NADK: variants seen among roughly 807,000 people sequenced by gnomAD.
NADK encodes NAD kinase, also known as poly(P)/ATP NAD kinase.
In NADK, 22 loss-of-function variants were observed where a neutral mutation model predicts 49.8. The observed-to-expected ratio is 0.44, with a 90% confidence interval of 0.32 to 0.63. The LOEUF (loss-of-function observed/expected upper bound fraction) is 0.63. Ranked by LOEUF, NADK falls within the 30% of genes least tolerant of loss-of-function variation. NADK has a pLI of 0.06. For synonymous variants in NADK, 268 were observed against 253.7 expected, an observed-to-expected ratio of 1.06 and a Z score of -0.54; for missense variants, 438 against 609.4, an observed-to-expected ratio of 0.72 and a Z score of 2.96.
chr1:1,763,632 AAAAG>A (rs1473838278), intron 2 of NADK, among the ~76,000 whole-genome samples: 24 of 138,226 alleles, frequency 1.7e-4, no homozygotes, highest in Admixed American at 1.6e-4. Context: ...AAAAAAAAAA[AAAAG>A]AAGAAGAAAA....
intron 11 of NADK, 37 bp from the exon 12 acceptor site, chr1:1,753,097 C>T (rs201820358): frequency 6.0e-5 from 95 of 1,581,984 alleles, no homozygotes; most frequent in Non-Finnish European, 1.6e-5. Flanking sequence ...CCAGGGCTTC[C>T]AGAAAGGCCC....
chr1:1,752,665 TCAG>T lies in NADK; in HGVS notation c.*236_*238del, dbSNP rs1557827994. 6.6e-6 allele frequency: 3 copies of T among 451,128 alleles called. No homozygotes were observed. Among genetic ancestry groups the T allele is most frequent in the Non-Finnish European group, 1.2e-5 (3 of 258,330 alleles). The allele number at this position is 451,128 out of a possible 1,614,324, so 27.9% of individuals were successfully genotyped here. A position where few individuals can be genotyped will look rare whatever the true frequency, so the allele number is the denominator to read the frequency against. ...CGCTCCAGGGACCCACCGCGGGGTG[TCAG>T]CAGGACAGAAGCACTCCCAGCCCAT... On this transcript the variant is annotated 3_prime_UTR_variant, in exon 12 of 12. Coordinates refer to ENST00000341426, the MANE Select transcript of NADK (RefSeq NM_023018.5).
intron 2 of NADK, among the ~76,000 whole-genome samples, chr1:1,764,773 C>T (rs1228086804): frequency 3.9e-5 from 6 of 152,146 alleles, no homozygotes; most frequent in South Asian, 2.1e-4. Flanking sequence ...TGGTGGTGCA[C>T]GCCTGTAATC....
intron 6 of NADK, 54 bp from the exon 7 acceptor site, chr1:1,755,530 C>T (rs1407561324): frequency 3.0e-6 from 4 of 1,337,674 alleles, no homozygotes; most frequent in Admixed American, 1.7e-5. Flanking sequence ...CCCCGCACCA[C>T]CCAGCTTTCC....
chr1:1,778,725 C>G (rs1646290838), upstream of NADK: 1 of 151,622 alleles, frequency 6.6e-6, no homozygotes, highest in African/African-American at 2.4e-5. This position sits in a 1 kb window ranked among gnomAD's most constrained non-coding sequence, Gnocchi z 4.9. Context: ...AGGGCGGCCC[C>G]CGGCTCCCGT....
chr1:1,758,602 C>A, intron 3 of NADK: 2 of 1,487,684 alleles, frequency 1.3e-6, no homozygotes, highest in Non-Finnish European at 1.8e-6. Context: ...AAGCAAAACA[C>A]AATTGTGATG....
At chr1:1,758,276 C>T in intron 3 of NADK, 1 of 1,469,164 alleles carries the variant, frequency 6.8e-7, no homozygotes, top group South Asian at 1.4e-5. Context: ...CTAACACCCC[C>T]AGAACCACAA....
At chr1:1,779,667 T>TTGTG (rs34618817), upstream of NADK, among the ~76,000 whole-genome samples, 2,987 of 148,670 alleles carry the variant, frequency 0.02, 68 homozygotes, top group African/African-American at 0.052. Flanking sequence ...ATATATATAT[T>TTGTG]TGTGTGTGTG....
At chr1:1,756,648 C>A (rs1346865040) in intron 4 of NADK, 40 bp from the exon 5 acceptor site, 2 of 1,613,176 alleles carry the variant, frequency 1.2e-6, no homozygotes, top group Middle Eastern at 1.7e-4. Flanking sequence ...CACCTGCAGA[C>A]CCCACCCTCC....
chr1:1,756,439 G>T, intron 5 of NADK, 64 bp downstream of exon 5: 1 of 1,611,768 alleles, frequency 6.2e-7, no homozygotes, highest in Non-Finnish European at 8.5e-7. Context: ...AACAGTGCCA[G>T]AAGCTTCCAA....
chr1:1,758,904 C>T (rs1450744632), intron 3 of NADK, among the ~76,000 whole-genome samples: 2 of 152,228 alleles, frequency 1.3e-5, no homozygotes, highest in Non-Finnish European at 2.9e-5. Context: ...GCGGAACCGG[C>T]TGGGCCCCAG....
intron 1 of NADK, among the ~76,000 whole-genome samples, chr1:1,776,896 G>C (rs1026401302): frequency 7.9e-5 from 12 of 151,204 alleles, no homozygotes; most frequent in Admixed American, 1.3e-4. Context: ...GGACAACACA[G>C]TGAGACTCTA....
intron 2 of NADK, among the ~76,000 whole-genome samples, chr1:1,763,095 C>T (rs1557849786): frequency 6.6e-6 from 1 of 152,258 alleles, no homozygotes. Flanking sequence ...GGCCAGACAA[C>T]CCCAGGAGAG....
chr1:1,770,413 G>A (rs1368662797), intron 1 of NADK, among the ~76,000 whole-genome samples: 6 of 152,174 alleles, frequency 3.9e-5, no homozygotes, highest in Non-Finnish European at 7.3e-5. Flanking sequence ...CAGATGACAT[G>A]ACATTTCTAT....
chr1:1,765,698 G>A lies in NADK; in HGVS notation c.-40-252C>T, dbSNP rs577699114. 7.7e-4 allele frequency among the ~76,000 whole-genome samples: 117 copies of A among 152,176 alleles called. 1 individual carries two copies. The South Asian group carries it at 0.023, about 30-fold the overall frequency. On this transcript the variant is annotated intron_variant, in intron 1 of 11. Coordinates refer to ENST00000341426, the MANE Select transcript of NADK (RefSeq NM_023018.5). The stretch of plus-strand genomic sequence containing the variant: ...AGGTAGAGGCGGGCAGATCACTTGA[G>A]GCCAGGAGTTCGAAACCAGCCTCGC...
In NADK at chr1:1,756,312, G is replaced by A. The variant is rs756666754; in HGVS notation, c.531C>T (p.Phe177=). 5.0e-6 allele frequency: 8 copies of A among 1,614,150 alleles called. No homozygotes were observed. The highest frequency in any genetic ancestry group is 6.8e-6 in the Non-Finnish European group (8 of 1,180,018). ...TCCCGTCTCCCCCCAGGCAGATGAT[G>A]AAGTCTATCTGATTGGAAATGTCAT... ...DYDDISNQID[F]IICLGGDGTL... Residue 177 remains phenylalanine (F), a synonymous_variant, in exon 6 of 12, where the codon TTC becomes TTT. Coordinates refer to ENST00000341426, the MANE Select transcript of NADK (RefSeq NM_023018.5).
chr1:1,776,535 G>C (rs766273515), intron 1 of NADK, among the ~76,000 whole-genome samples: 15 of 152,114 alleles, frequency 9.9e-5, no homozygotes, highest in Non-Finnish European at 2.2e-4. Context: ...CAGCACTTTG[G>C]GAGGCCAAGG....
intron 3 of NADK, chr1:1,759,638 G>C (rs761613468): frequency 7.4e-6 from 10 of 1,345,078 alleles, no homozygotes; most frequent in African/African-American, 1.5e-5. Context: ...GGAAGCGGGA[G>C]GTTATGATCC....
chr1:1,779,669 G>T (rs1570605182), upstream of NADK, among the ~76,000 whole-genome samples: 1 of 147,800 alleles, frequency 6.8e-6, no homozygotes, highest in Non-Finnish European at 1.5e-5. Context: ...ATATATATTT[G>T]TGTGTGTGTG....
Sources: allele counts gnomAD v4.1 joint callset (sites outside exome capture counted in the v4.1 genomes callset), GRCh38; gene constraint gnomAD v4.1.1; non-coding constraint Gnocchi (gnomAD v3.1); transcripts MANE v1.5; gene names NCBI Gene and HGNC (gene_info 2026-07-23, HGNC 2026-07-21).